The following STIM2 variants were observed in gnomAD, a reference collection of about 807,000 sequenced individuals.
The protein encoded by STIM2 is stromal interaction molecule 2.
Under a neutral mutation model 85.8 loss-of-function variants are expected in STIM2, and 31 were observed. That is an observed-to-expected ratio of 0.36 (90% CI 0.27 to 0.49). The LOEUF (loss-of-function observed/expected upper bound fraction) is 0.49. Ranked by LOEUF, STIM2 falls within the 20% of genes least tolerant of loss-of-function variation. The pLI is 0.98. For synonymous variants in STIM2, 356 were observed against 331.1 expected (o/e 1.08, Z -0.82); for missense variants, 841 against 927.6 (o/e 0.91, Z 1.21).
chr4:26,878,789 G>A (rs542551321), intron 1 of STIM2, among the ~76,000 whole-genome samples: 29 of 152,280 alleles, frequency 1.9e-4, no homozygotes, highest in African/African-American at 3.4e-4. Flanking sequence ...GGCAGAAGGC[G>A]AAGGGGAAGC....
At chr4:26,943,004 T>A in intron 2 of STIM2, among the ~76,000 whole-genome samples, 1 of 152,098 alleles carries the variant, frequency 6.6e-6, no homozygotes, top group South Asian at 2.1e-4. Context: ...TCTTCTCTCT[T>A]GTCTTTGTTT....
In STIM2 at chr4:27,007,730, A is replaced by G. The variant is rs534680602; in HGVS notation, c.1149+30A>G. On this transcript the variant is annotated intron_variant, in intron 8 of 11. Coordinates refer to ENST00000467087, the MANE Select transcript of STIM2 (RefSeq NM_020860.4). ...TCTCTTGTATTTCAAAATTTACTAA[A>G]TTTGTTTCTTAGGCTGCATTCTTAG... The G allele has an allele frequency of 4.6e-6, 7 of 1,516,490 alleles. No individual in the cohort carries two copies. In the African/African-American group the frequency reaches 9.7e-5, roughly 21 times the overall value. 93.9% of individuals were successfully genotyped at this position (1,516,490 alleles called of 1,614,324 possible). A position where few individuals can be genotyped will look rare whatever the true frequency, so the allele number is the denominator to read the frequency against.
intron 1 of STIM2, among the ~76,000 whole-genome samples, chr4:26,917,339 T>C (rs923820121): frequency 6.6e-6 from 1 of 152,190 alleles, no homozygotes; most frequent in African/African-American, 2.4e-5. Context: ...CAGTAAAATA[T>C]AAGTTTTATG....
At chr4:26,988,173 T>A (rs566982960) in intron 3 of STIM2, among the ~76,000 whole-genome samples, 1 of 152,332 alleles carries the variant, frequency 6.6e-6, no homozygotes, top group Admixed American at 6.5e-5. Flanking sequence ...ATGACTGTGT[T>A]AGGTAAAATA....
intron 1 of STIM2, among the ~76,000 whole-genome samples, chr4:26,866,186 C>T (rs1191979855): frequency 2.0e-5 from 3 of 152,128 alleles, no homozygotes; most frequent in Non-Finnish European, 4.4e-5. Flanking sequence ...CCTCTTACCT[C>T]CCCCACAAGT....
intron 3 of STIM2, among the ~76,000 whole-genome samples, chr4:26,989,222 A>G (rs1178750623): frequency 6.6e-6 from 1 of 152,180 alleles, no homozygotes; most frequent in East Asian, 1.9e-4. Flanking sequence ...GACATGAGCC[A>G]CCACACACGG....
At chr4:26,920,683 G>A (rs959856012) in intron 2 of STIM2, among the ~76,000 whole-genome samples, 1 of 152,086 alleles carries the variant, frequency 6.6e-6, no homozygotes, top group Non-Finnish European at 1.5e-5. Context: ...TATACAAAAC[G>A]TTTATTTGAG....
At chr4:27,018,042 A>T in intron 11 of STIM2, 58 bp downstream of exon 11, 259 of 1,350,418 alleles carry the variant, frequency 1.9e-4, no homozygotes, top group Non-Finnish European at 2.5e-4. Flanking sequence ...GTAAGGTGTG[A>T]GGAGGGGGCG....
intron 2 of STIM2, among the ~76,000 whole-genome samples, chr4:26,953,811 G>A (rs1726145301): frequency 6.6e-6 from 1 of 151,912 alleles, no homozygotes; most frequent in South Asian, 2.1e-4. Flanking sequence ...CTCATAAAAT[G>A]GTACATTCAA....
chr4:26,934,143 G>A (rs924284616), intron 2 of STIM2, among the ~76,000 whole-genome samples: 3 of 152,106 alleles, frequency 2.0e-5, no homozygotes, highest in East Asian at 3.9e-4. Flanking sequence ...GCAGTGAGCC[G>A]AGATCGTGCC....
chr4:27,013,433 T>G (rs1044317077), intron 10 of STIM2, among the ~76,000 whole-genome samples: 3 of 152,016 alleles, frequency 2.0e-5, no homozygotes, highest in Non-Finnish European at 4.4e-5. Context: ...ATCCATGGTT[T>G]CAGGCATCCA....
intron 1 of STIM2, among the ~76,000 whole-genome samples, chr4:26,892,275 C>T (rs1339861593): frequency 1.3e-5 from 2 of 152,180 alleles, no homozygotes; most frequent in Non-Finnish European, 2.9e-5. Context: ...ATTTATTTCT[C>T]ACAGCTCTGG....
At chr4:26,939,364 G>A (rs1030345192) in intron 2 of STIM2, among the ~76,000 whole-genome samples, 1 of 152,018 alleles carries the variant, frequency 6.6e-6, no homozygotes, top group Non-Finnish European at 1.5e-5. Flanking sequence ...GCCTTTCTGG[G>A]TCTGGCCTGA....
intron 1 of STIM2, among the ~76,000 whole-genome samples, chr4:26,885,859 A>ATATATATGTATATATATATATATG (rs1560194659): frequency 3.4e-5 from 3 of 89,440 alleles, no homozygotes; most frequent in Non-Finnish European, 4.5e-5. Flanking sequence ...ATATATATAT[A>ATATATATGTATATATATATATATG]TATATATATA....
At chr4:26,894,623 A>C (rs1324541743) in intron 1 of STIM2, among the ~76,000 whole-genome samples, 1 of 150,614 alleles carries the variant, frequency 6.6e-6, no homozygotes, top group South Asian at 2.1e-4. Context: ...TATGTGTGTG[A>C]GTCTGTTCTG....
chr4:26,959,508 T>C (rs1726371908), intron 3 of STIM2, among the ~76,000 whole-genome samples: 1 of 152,180 alleles, frequency 6.6e-6, no homozygotes, highest in Non-Finnish European at 1.5e-5. Context: ...TCTAAGATAC[T>C]ATATAATTGA....
In STIM2 at chr4:26,861,363, A is replaced by G. The variant is rs763511783; in HGVS notation, c.145A>G (p.Met49Val). The G allele has an allele frequency of 7.5e-7, 1 of 1,327,622 alleles. No individual in the cohort carries two copies. 82.2% of individuals were successfully genotyped at this position (1,327,622 alleles called of 1,614,324 possible). A position where few individuals can be genotyped will look rare whatever the true frequency, so the allele number is the denominator to read the frequency against. Reference sequence around the variant, plus strand: ...GGCGGCCGGCGATAGCCCGGCGCTCATGACAGGTGAGGGGCCGGGGGGCGG... The same window carrying G: ...GGCGGCCGGCGATAGCCCGGCGCTCGTGACAGGTGAGGGGCCGGGGGGCGG... The change falls in exon 1 of 12, where the codon ATG becomes GTG. Residue 49 changes from methionine to valine, a missense_variant. Met to Val is a conservative substitution (Grantham distance 21). Coordinates refer to ENST00000467087, the MANE Select transcript of STIM2 (RefSeq NM_020860.4).
At chr4:26,906,317 A>G (rs1489885554) in intron 1 of STIM2, among the ~76,000 whole-genome samples, 2 of 152,018 alleles carry the variant, frequency 1.3e-5, no homozygotes, top group South Asian at 2.1e-4. Context: ...AAAACCACCT[A>G]TTGGGTGCTT....
chr4:26,922,365 C>A (rs1357966943), intron 2 of STIM2, among the ~76,000 whole-genome samples: 1 of 152,078 alleles, frequency 6.6e-6, no homozygotes, highest in East Asian at 1.9e-4. Context: ...AAACAAATTC[C>A]ATGTCAACTC....
Sources: allele counts gnomAD v4.1 joint callset (sites outside exome capture counted in the v4.1 genomes callset), GRCh38; gene constraint gnomAD v4.1.1; transcripts MANE v1.5; gene names NCBI Gene and HGNC (gene_info 2026-07-23, HGNC 2026-07-21).